RPS6KC1: variants seen among roughly 807,000 people sequenced by gnomAD.
RPS6KC1 encodes inactive ribosomal protein S6 kinase delta-1.
RPS6KC1 carries 54 observed loss-of-function variants against 103.8 expected under a neutral mutation model. The observed-to-expected ratio is 0.52, with a 90% CI of 0.42 to 0.65. The LOEUF is 0.65. RPS6KC1 is among the 30% of genes least tolerant of loss of function. RPS6KC1 has a pLI of 0.00. For synonymous variants in RPS6KC1, 439 were observed against 438.7 expected (o/e 1.00, Z -0.01); for missense variants, 1,151 against 1,253.8 (o/e 0.92, Z 1.24).
At chr1:213,248,311 T>G (rs1417272708) in intron 12 of RPS6KC1, among the ~76,000 whole-genome samples, 5 of 152,170 alleles carry the variant, frequency 3.3e-5, no homozygotes, top group African/African-American at 1.2e-4. Context: ...AGTAACTGTT[T>G]TATTTACCCT....
At position 213,112,284 on chromosome 1, in the gene RPS6KC1, A is replaced by G. The variant is rs771812085; in HGVS notation, c.379-5033A>G. 4.6e-4 allele frequency among the ~76,000 whole-genome samples: 70 copies of G among 152,092 alleles called. 1 individual carries two copies. The highest frequency in any genetic ancestry group is 2.6e-4 in the Admixed American group (4 of 15,264). ...TTATTTAAGGATTATAAGCTCTTCT[A>G]TTGTGATTGGAGCATACATAAAGCT... On this transcript the variant is annotated intron_variant, in intron 4 of 14. Coordinates refer to ENST00000366960, the MANE Select transcript of RPS6KC1 (RefSeq NM_012424.6).
the RPS6KC1 span, among the ~76,000 whole-genome samples, chr1:213,774,869 G>A: frequency 5.9e-5 from 9 of 152,244 alleles, no homozygotes; most frequent in Non-Finnish European, 8.8e-5. Flanking sequence ...TGAGCAATGA[G>A]CAGGAGGCAG....
the RPS6KC1 span, among the ~76,000 whole-genome samples, chr1:213,562,692 C>T: frequency 6.6e-6 from 1 of 151,674 alleles, no homozygotes; most frequent in Admixed American, 6.6e-5. Flanking sequence ...CAGAGACAGT[C>T]TCACTCTGTC....
chr1:213,307,886 TC>T, the RPS6KC1 span, among the ~76,000 whole-genome samples: 13 of 152,304 alleles, frequency 8.5e-5, no homozygotes, highest in African/African-American at 2.2e-4. Flanking sequence ...TCCCCCAGTC[TC>T]CCGCATTCCA....
At chr1:213,110,899 A>G (rs112332654) in intron 4 of RPS6KC1, among the ~76,000 whole-genome samples, 6 of 150,116 alleles carry the variant, frequency 4.0e-5, no homozygotes, top group African/African-American at 7.4e-5. Context: ...TCCTTGCCAT[A>G]TATTTGGCCC....
chr1:213,271,222 AAACAGTGGAATACTAAGAAAAAGG>A lies in RPS6KC1; in HGVS notation c.3091-1299_3091-1276del, dbSNP rs2095040136. ...GTGGATTAATGAAATGTGGACATCC[AAACAGTGGAATACTAAGAAAAAGG>A]AATGGCCTGTTGATACCTGCTACAG... is the stretch of plus-strand genomic sequence containing the variant. On this transcript the variant is annotated intron_variant, in intron 14 of 14. Transcript: ENST00000366960. Among the ~76,000 whole-genome samples the A allele has an allele frequency of 2.6e-5, 4 of 152,354 alleles. No individual in the cohort carries two copies. The South Asian group carries it at 8.3e-4, about 32-fold the overall frequency.
chr1:213,428,520 CTT>C, the RPS6KC1 span, among the ~76,000 whole-genome samples: 957 of 28,162 alleles, frequency 0.034, 22 homozygotes, highest in African/African-American at 0.06. Context: ...CTTCCTTCCT[CTT>C]TCTCTCTCTC....
the RPS6KC1 span, among the ~76,000 whole-genome samples, chr1:213,441,807 A>G: frequency 6.6e-6 from 1 of 152,234 alleles, no homozygotes; most frequent in Admixed American, 6.5e-5. Context: ...AATATCTGTT[A>G]TAGAGTATTA....
At chr1:213,092,057 A>G (rs2081015253) in intron 3 of RPS6KC1, among the ~76,000 whole-genome samples, 1 of 151,790 alleles carries the variant, frequency 6.6e-6, no homozygotes, top group Admixed American at 6.6e-5. Context: ...ATTTCATGCT[A>G]AGAGGTCAGC....
chr1:213,303,014 C>T, the RPS6KC1 span, among the ~76,000 whole-genome samples: 8 of 152,270 alleles, frequency 5.3e-5, no homozygotes, highest in East Asian at 1.9e-4. Context: ...ACAAGATCCC[C>T]GGGTAATGTG....
the RPS6KC1 span, among the ~76,000 whole-genome samples, chr1:213,751,649 G>T: frequency 6.6e-6 from 1 of 152,186 alleles, no homozygotes; most frequent in African/African-American, 2.4e-5. Flanking sequence ...TAACTGCTAG[G>T]AAGGGAGAGA....
At chr1:213,460,405 C>CTTT in the RPS6KC1 span, among the ~76,000 whole-genome samples, 111 of 111,142 alleles carry the variant, frequency 1.0e-3, no homozygotes, top group Non-Finnish European at 1.0e-3. Flanking sequence ...GCAACCCCTG[C>CTTT]TTTTTTTTTT....
chr1:213,516,204 A>C, the RPS6KC1 span, among the ~76,000 whole-genome samples: 6 of 152,070 alleles, frequency 3.9e-5, no homozygotes, highest in Non-Finnish European at 7.3e-5. Flanking sequence ...CTCTTTTCCT[A>C]ATTGAATACC....
chr1:213,320,050 T>C, the RPS6KC1 span, among the ~76,000 whole-genome samples: 2 of 152,196 alleles, frequency 1.3e-5, no homozygotes, highest in African/African-American at 4.8e-5. Flanking sequence ...GCCTATGTGG[T>C]AGAAGAAGAG....
intron 3 of RPS6KC1, among the ~76,000 whole-genome samples, chr1:213,089,870 G>A (rs1312499389): frequency 1.3e-5 from 2 of 152,116 alleles, no homozygotes; most frequent in Admixed American, 6.5e-5. Flanking sequence ...TGTCAGGCGC[G>A]GTCCTACGTG....
At chr1:213,438,758 C>T in the RPS6KC1 span, among the ~76,000 whole-genome samples, 1 of 148,608 alleles carries the variant, frequency 6.7e-6, no homozygotes, top group African/African-American at 2.5e-5. Flanking sequence ...GGTCTTATTT[C>T]TTTGAGGCTC....
At chr1:213,567,709 T>C in the RPS6KC1 span, among the ~76,000 whole-genome samples, 3 of 152,234 alleles carry the variant, frequency 2.0e-5, no homozygotes, top group Non-Finnish European at 2.9e-5. Flanking sequence ...ATATATGAAT[T>C]ATTATTGCAG....
At chr1:213,406,811 C>A in the RPS6KC1 span, among the ~76,000 whole-genome samples, 1 of 152,268 alleles carries the variant, frequency 6.6e-6, no homozygotes, top group African/African-American at 2.4e-5. Context: ...TGCTATGGCC[C>A]TTTGCATTGG....
the RPS6KC1 span, among the ~76,000 whole-genome samples, chr1:213,771,935 C>A: frequency 6.6e-6 from 1 of 152,174 alleles, no homozygotes; most frequent in Non-Finnish European, 1.5e-5. Flanking sequence ...GGGAGGATAT[C>A]TGGGCGGGCG....
Sources: allele counts gnomAD v4.1 joint callset (sites outside exome capture counted in the v4.1 genomes callset), GRCh38; gene constraint gnomAD v4.1.1; transcripts MANE v1.5; gene names NCBI Gene and HGNC (gene_info 2026-07-23, HGNC 2026-07-21).